The following PCDHGA2 variants were observed in gnomAD, a reference collection of about 807,000 sequenced individuals.
PCDHGA2 encodes protocadherin gamma subfamily A, 2.
PCDHGA2 carries 40 observed loss-of-function variants against 59.2 expected under a neutral mutation model. The ratio of observed to expected loss-of-function variants is 0.68; its 90% confidence interval spans 0.52 to 0.88. The LOEUF (loss-of-function observed/expected upper bound fraction) is 0.88, where lower values mean the gene tolerates loss of function less well. PCDHGA2 is among the 40% of genes least tolerant of loss of function. The probability of loss-of-function intolerance (pLI) is 0.00; values close to 1 mark genes in which losing one functional copy is unlikely to be tolerated. For synonymous variants in PCDHGA2, 560 were observed against 526.0 expected (o/e 1.06, Z -0.89); for missense variants, 1,226 against 1,204.0 (o/e 1.02, Z -0.27).
Position 141,486,793 on chromosome 5 carries a change from G to C in PCDHGA2, c.2425-8014G>C. ...AGTTTGAGGTGCAGGCCCGGGATCG[G>C]GGCAACCCACCCCTTAGCAGCACTG... is the stretch of plus-strand genomic sequence containing the variant. On this transcript the variant is annotated intron_variant, in intron 1 of 3. Transcript: ENST00000394576. This position sits in a 1 kb window ranked among gnomAD's most constrained non-coding sequence, Gnocchi z 5.0. 6.2e-7 allele frequency: 1 copy of C among 1,614,244 alleles called. No homozygotes were observed. Among genetic ancestry groups the C allele is most frequent in the Non-Finnish European group, 8.5e-7 (1 of 1,180,050 alleles).
chr5:141,463,747 G>A (rs994400482), intron 1 of PCDHGA2, among the ~76,000 whole-genome samples: 13 of 152,082 alleles, frequency 8.5e-5, no homozygotes, highest in Middle Eastern at 3.4e-3. Context: ...CGCCCGGCCT[G>A]CTTCTCTTCT....
chr5:141,428,120 C>G (rs756805763), intron 1 of PCDHGA2: 2 of 1,606,528 alleles, frequency 1.2e-6, no homozygotes, highest in South Asian at 1.1e-5. Context: ...CCATCGAGCC[C>G]GGGCTTTTCA....
intron 3 of PCDHGA2, 120 bp downstream of exon 3, chr5:141,505,601 C>T (rs1171679451): frequency 6.4e-7 from 1 of 1,550,630 alleles, no homozygotes; most frequent in Non-Finnish European, 8.7e-7. Flanking sequence ...GATCTTTCGG[C>T]AGGTCTGAAA....
chr5:141,422,478 G>C, intron 1 of PCDHGA2: 1 of 1,613,914 alleles, frequency 6.2e-7, no homozygotes, highest in Non-Finnish European at 8.5e-7. Flanking sequence ...AGTTGGTCCA[G>C]AGCTACAATA....
intron 1 of PCDHGA2, chr5:141,351,714 A>T: frequency 6.2e-7 from 1 of 1,613,242 alleles, no homozygotes; most frequent in Non-Finnish European, 8.5e-7. Flanking sequence ...AGAGTCTCCT[A>T]CTCTATTCTG....
chr5:141,400,621 A>G (rs1361532935), intron 1 of PCDHGA2: 1 of 1,521,426 alleles, frequency 6.6e-7, no homozygotes, highest in Non-Finnish European at 9.0e-7. Flanking sequence ...GAGTTGTCTT[A>G]GGGAAGTCAG....
At chr5:141,448,200 T>C (rs2098574351) in intron 1 of PCDHGA2, among the ~76,000 whole-genome samples, 1 of 152,156 alleles carries the variant, frequency 6.6e-6, no homozygotes, top group Non-Finnish European at 1.5e-5. Context: ...CTTACAAACA[T>C]TTTCTGTGTG....
intron 2 of PCDHGA2, among the ~76,000 whole-genome samples, chr5:141,503,855 TA>T (rs2099832899): frequency 1.3e-5 from 2 of 152,136 alleles, no homozygotes; most frequent in Non-Finnish European, 2.9e-5. Context: ...GGAAAAATTG[TA>T]AAGCAGTTCT....
chr5:141,350,158 CCTAA>C, intron 1 of PCDHGA2: 1 of 1,055,330 alleles, frequency 9.5e-7, no homozygotes. Flanking sequence ...CCCTCGAGCG[CCTAA>C]CTAATAAGTC....
intron 1 of PCDHGA2, chr5:141,412,903 G>T: frequency 5.3e-6 from 2 of 376,030 alleles, no homozygotes; most frequent in East Asian, 4.2e-5. Flanking sequence ...ACTTTCCATT[G>T]CATGTATCAC....
intron 1 of PCDHGA2, chr5:141,394,779 G>A (rs1561651112): frequency 6.2e-7 from 1 of 1,613,590 alleles, no homozygotes; most frequent in Admixed American, 1.7e-5. Context: ...CCCTCTCTCC[G>A]CCACTGTCAC....
intron 1 of PCDHGA2, chr5:141,366,505 T>G (rs368019745): frequency 6.2e-7 from 1 of 1,614,136 alleles, no homozygotes; most frequent in African/African-American, 1.3e-5. Context: ...CACGCCTGCT[T>G]CAGGCTGAAG....
At chr5:141,360,644 A>C (rs1761688095) in intron 1 of PCDHGA2, 1 of 1,613,994 alleles carries the variant, frequency 6.2e-7, no homozygotes, top group Non-Finnish European at 8.5e-7. Flanking sequence ...CTACAAAGAT[A>C]CCACCTTAAT....
intron 1 of PCDHGA2, chr5:141,408,948 T>C (rs768951087): frequency 6.2e-7 from 1 of 1,613,478 alleles, no homozygotes; most frequent in Non-Finnish European, 8.5e-7. Context: ...GAATATAGAA[T>C]TAGTCTTAGT....
At chr5:141,433,124 G>T in intron 1 of PCDHGA2, 5 of 1,614,136 alleles carry the variant, frequency 3.1e-6, no homozygotes, top group Non-Finnish European at 4.2e-6. Context: ...TGAAAAAAGC[G>T]AGCCCCTTTT....
At chr5:141,442,053 G>A (rs888378256) in intron 1 of PCDHGA2, 3 of 197,472 alleles carry the variant, frequency 1.5e-5, no homozygotes, top group Non-Finnish European at 3.2e-5. Flanking sequence ...ACTGGTCGCG[G>A]TGCACTGCGG....
At chr5:141,502,914 T>G (rs78646636) in intron 2 of PCDHGA2, among the ~76,000 whole-genome samples, 4,865 of 139,540 alleles carry the variant, frequency 0.035, 119 homozygotes, top group South Asian at 0.075. Flanking sequence ...CAGGCTGGAG[T>G]GCAGTGGCAA....
chr5:141,487,033 A>T lies in PCDHGA2; in HGVS notation c.2425-7774A>T, dbSNP rs1465525110. ...AGGCCCCAGATCCCAGCCTGTTTGC[A>T]GTCTCTCGATATGCTGGGGAGGTGC... On this transcript the variant is annotated intron_variant, in intron 1 of 3. Coordinates refer to ENST00000394576, the MANE Select transcript of PCDHGA2 (RefSeq NM_018915.4). This position sits in a 1 kb window ranked among gnomAD's most constrained non-coding sequence, Gnocchi z 5.0. The T allele has an allele frequency of 6.2e-7, 1 of 1,614,042 alleles. No homozygotes were observed. The highest frequency in any genetic ancestry group is 8.5e-7 in the Non-Finnish European group (1 of 1,180,040).
Position 141,409,860 on chromosome 5 carries a change from G to A in PCDHGA2, c.2424+68465G>A, listed in dbSNP as rs764823576. On this transcript the variant is annotated intron_variant, in intron 1 of 3. Transcript: ENST00000394576. ...AACGTGAGCCTGCGCGTGTTGGTGG[G>A]AGACCGCAATGACAACGCACCGCGG... is the stretch of plus-strand genomic sequence containing the variant. The A allele has an allele frequency of 1.2e-5, 20 of 1,612,364 alleles. No homozygotes were observed. In the South Asian group the frequency reaches 1.8e-4, roughly 14 times the overall value.
Sources: allele counts gnomAD v4.1 joint callset (sites outside exome capture counted in the v4.1 genomes callset), GRCh38; gene constraint gnomAD v4.1.1; non-coding constraint Gnocchi (gnomAD v3.1); transcripts MANE v1.5; gene names NCBI Gene and HGNC (gene_info 2026-07-23, HGNC 2026-07-21).